The following RNF212B variants were observed in gnomAD, a reference collection of about 807,000 sequenced individuals.
The protein encoded by RNF212B is E3 ubiquitin-protein ligase RNF212B.
RNF212B carries 52 observed loss-of-function variants against 55.5 expected under a neutral mutation model. The ratio of observed to expected loss-of-function variants is 0.94; its 90% CI spans 0.75 to 1.18. The LOEUF (loss-of-function observed/expected upper bound fraction) is 1.18, where lower values mean the gene tolerates loss of function less well. Among genes scored for constraint, RNF212B ranks in the 50% most tolerant of loss-of-function variants. The pLI, the probability that RNF212B is intolerant of heterozygous loss-of-function variation, is 0.00. For synonymous variants in RNF212B, 99 were observed against 121.4 expected, an observed-to-expected ratio of 0.82 and a Z score of 1.21; for missense variants, 289 against 350.4, an observed-to-expected ratio of 0.82 and a Z score of 1.40.
intron 2 of RNF212B, among the ~76,000 whole-genome samples, chr14:23,209,602 CA>C (rs1436158841): frequency 6.6e-6 from 1 of 152,032 alleles, no homozygotes; most frequent in Non-Finnish European, 1.5e-5. Flanking sequence ...CTTTGACTTC[CA>C]AATTTTAAAT....
upstream of RNF212B, among the ~76,000 whole-genome samples, chr14:23,237,224 G>T (rs1017680516): frequency 2.4e-4 from 37 of 151,888 alleles, no homozygotes; most frequent in African/African-American, 8.7e-4. Context: ...CCGCCTTCCG[G>T]GTTCAAACGA....
At chr14:23,230,773 C>A (rs566025444) in intron 2 of RNF212B, among the ~76,000 whole-genome samples, 1 of 150,078 alleles carries the variant, frequency 6.7e-6, no homozygotes, top group Non-Finnish European at 1.5e-5. Context: ...GGTCTTTGAT[C>A]CATTTTGAGT....
chr14:23,198,808 A>G (rs1026421783), intron 2 of RNF212B, among the ~76,000 whole-genome samples: 5 of 152,158 alleles, frequency 3.3e-5, no homozygotes, highest in African/African-American at 1.2e-4. Flanking sequence ...GTAAATGTAT[A>G]GTGGATTTTG....
intron 2 of RNF212B, among the ~76,000 whole-genome samples, chr14:23,241,533 C>T (rs1386659436): frequency 1.3e-5 from 2 of 152,030 alleles, no homozygotes; most frequent in Non-Finnish European, 2.9e-5. Flanking sequence ...AAGCGATTCT[C>T]ATGTCTCAGC....
At chr14:23,248,427 CAA>C (rs1180266374) in intron 4 of RNF212B, among the ~76,000 whole-genome samples, 4 of 148,606 alleles carry the variant, frequency 2.7e-5, no homozygotes, top group East Asian at 2.0e-4. Flanking sequence ...CCACCACGCC[CAA>C]CCCCAAGCCT....
chr14:23,217,616 T>C (rs1881214629), intron 2 of RNF212B, among the ~76,000 whole-genome samples: 2 of 152,064 alleles, frequency 1.3e-5, no homozygotes, highest in Non-Finnish European at 2.9e-5. Flanking sequence ...GGGAAAAGAA[T>C]AAGAGTCTCT....
intron 2 of RNF212B, among the ~76,000 whole-genome samples, chr14:23,232,279 C>T (rs574666691): frequency 3.7e-4 from 56 of 150,664 alleles, no homozygotes; most frequent in Middle Eastern, 3.4e-3. Context: ...GTGAGGAGCG[C>T]CTCTGCCCGG....
At chr14:23,238,223 C>T (rs1250224187) in intron 1 of RNF212B, among the ~76,000 whole-genome samples, 168 bp downstream of exon 1, 1 of 151,648 alleles carries the variant, frequency 6.6e-6, no homozygotes, top group Non-Finnish European at 1.5e-5. Flanking sequence ...TTGTTGCTGC[C>T]CTTAAACAAA....
At chr14:23,225,666 G>A (rs901403091) in intron 2 of RNF212B, among the ~76,000 whole-genome samples, 2 of 151,952 alleles carry the variant, frequency 1.3e-5, no homozygotes, top group African/African-American at 4.8e-5. Flanking sequence ...AGGGTAGTGG[G>A]GATGGGGTGG....
intron 2 of RNF212B, among the ~76,000 whole-genome samples, chr14:23,197,685 T>A (rs1340879183): frequency 6.6e-6 from 1 of 151,994 alleles, no homozygotes; most frequent in Non-Finnish European, 1.5e-5. Flanking sequence ...TACAATGAAC[T>A]CTCATGTATC....
intron 2 of RNF212B, among the ~76,000 whole-genome samples, chr14:23,197,754 AT>A (rs1878862124): frequency 6.7e-6 from 1 of 149,120 alleles, no homozygotes; most frequent in Non-Finnish European, 1.5e-5. Flanking sequence ...TTATCTACCT[AT>A]TTCCCCCTTC....
chr14:23,243,321 C>A lies in RNF212B; in HGVS notation c.153+13C>A, dbSNP rs1883735812. On this transcript the variant is annotated intron_variant, in intron 3 of 14. Coordinates refer to ENST00000430154, the MANE Select transcript of RNF212B (RefSeq NM_001282322.3). ...TCTTTCTGATAATGTAAGTTTTTCT[C>A]CCCCTGCCACAAACTGTCTCATCCC... 1.3e-6 allele frequency: 2 copies of A among 1,546,694 alleles called. No individual in the cohort carries two copies. Among genetic ancestry groups the A allele is most frequent in the African/African-American group, 1.4e-5 (1 of 72,738 alleles).
intron 4 of RNF212B, 176 bp from the exon 5 acceptor site, chr14:23,258,373 T>C (rs1388651706): frequency 8.5e-6 from 3 of 354,686 alleles, no homozygotes; most frequent in Non-Finnish European, 1.5e-5. Flanking sequence ...AGAAGGCTAG[T>C]GTCCTGGAAA....
chr14:23,249,134 A>T (rs1884222847), intron 4 of RNF212B, among the ~76,000 whole-genome samples: 2 of 152,250 alleles, frequency 1.3e-5, no homozygotes, highest in Non-Finnish European at 2.9e-5. Context: ...TTTTGAAGTC[A>T]TATGTTTTTA....
chr14:23,223,054 C>A (rs1342164115), intron 2 of RNF212B, among the ~76,000 whole-genome samples: 496 of 124,700 alleles, frequency 4.0e-3, no homozygotes, highest in South Asian at 5.6e-3. Flanking sequence ...AACTCCGTCT[C>A]AAAAAAAAAA....
At chr14:23,195,339 A>G (rs2140360416) in intron 2 of RNF212B, among the ~76,000 whole-genome samples, 1 of 152,272 alleles carries the variant, frequency 6.6e-6, no homozygotes, top group Non-Finnish European at 1.5e-5. Context: ...AGATTTAGAA[A>G]ACATGGAAGA....
intron 2 of RNF212B, among the ~76,000 whole-genome samples, chr14:23,193,970 T>A (rs1878382303): frequency 6.6e-6 from 1 of 152,050 alleles, no homozygotes; most frequent in Non-Finnish European, 1.5e-5. Context: ...GCCTCCCAAG[T>A]AGATGGGATT....
intron 2 of RNF212B, among the ~76,000 whole-genome samples, chr14:23,226,134 CTAAAAATACA>C (rs1409629585): frequency 6.7e-6 from 1 of 149,744 alleles, no homozygotes; most frequent in Non-Finnish European, 1.5e-5. Context: ...CCCGTCTGTA[CTAAAAATACA>C]AAAATTAGCA....
intron 2 of RNF212B, among the ~76,000 whole-genome samples, chr14:23,228,687 G>C (rs1204711352): frequency 6.7e-6 from 1 of 148,806 alleles, no homozygotes; most frequent in African/African-American, 2.6e-5. Context: ...AAAAACACAA[G>C]AAGAAGAAAG....
Sources: allele counts gnomAD v4.1 joint callset (sites outside exome capture counted in the v4.1 genomes callset), GRCh38; gene constraint gnomAD v4.1.1; transcripts MANE v1.5; gene names NCBI Gene and HGNC (gene_info 2026-07-23, HGNC 2026-07-21).